JAK1: variants seen among roughly 807,000 people sequenced by gnomAD.
JAK1 encodes the protein Janus kinase 1, also known as tyrosine-protein kinase JAK1.
Under a neutral mutation model 136.6 loss-of-function variants are expected in JAK1, and 16 were observed. The ratio of observed to expected loss-of-function variants is 0.12; its 90% CI spans 0.08 to 0.18. The LOEUF is 0.18. JAK1 is among the 10% of genes least tolerant of loss of function. The pLI is 1.00. For missense variants in JAK1, 859 were observed against 1,450.1 expected, an observed-to-expected ratio of 0.59 and a Z score of 6.62; for synonymous variants, 492 against 519.5, an observed-to-expected ratio of 0.95 and a Z score of 0.72.
chr1:65,004,906 T>A (rs1264771169), intron 2 of JAK1, among the ~76,000 whole-genome samples: 2 of 152,230 alleles, frequency 1.3e-5, no homozygotes, highest in African/African-American at 4.8e-5. Flanking sequence ...ACCCTTTATT[T>A]CTGATATCGT....
At chr1:64,929,000 T>C (rs1645641867) in intron 1 of JAK1, among the ~76,000 whole-genome samples, 1 of 152,204 alleles carries the variant, frequency 6.6e-6, no homozygotes, top group African/African-American at 2.4e-5. Flanking sequence ...TATATTAGTA[T>C]CTTGTAAATA....
In JAK1 at chr1:65,034,524, T is replaced by C. The variant is rs1467524593; in HGVS notation, c.-78+9956A>G. ...TTAATTTAATGGAAAGATTTTCTAA[T>C]GGCAAACATTAATCTAGTTGTTAGA... On this transcript the variant is annotated intron_variant, in intron 2 of 25. Coordinates refer to the JAK1 transcript ENST00000671954. Among the ~76,000 whole-genome samples the C allele has an allele frequency of 3.9e-5, 6 of 152,238 alleles. No homozygotes were observed. In the East Asian group the frequency reaches 5.8e-4, roughly 15 times the overall value.
chr1:64,969,316 G>T (rs181776664), upstream of JAK1, among the ~76,000 whole-genome samples: 13 of 151,900 alleles, frequency 8.6e-5, no homozygotes, highest in Non-Finnish European at 1.6e-4. Context: ...TGTAGTGGGG[G>T]TGTCCTGTGC....
In JAK1 at chr1:64,984,709, ATG is replaced by A; in HGVS notation, c.-78+59769_-78+59770del. The A allele has an allele frequency of 1.4e-6, 1 of 724,826 alleles. No homozygotes were observed. The highest frequency in any genetic ancestry group is 3.1e-5 in the East Asian group (1 of 32,458). 44.9% of individuals were successfully genotyped at this position (724,826 alleles called of 1,614,324 possible). ...TCGTGTGCCTGCCCCTCAAAGGCCT[ATG>A]TGATATCCTTGAAAGTCCTGTAACA... On this transcript the variant is annotated intron_variant, in intron 2 of 25. Transcript: ENST00000671954. This position sits in a 1 kb window ranked among gnomAD's most constrained non-coding sequence, Gnocchi z 4.1.
chr1:64,971,890 G>A lies in JAK1; in HGVS notation c.-78+72590C>T, dbSNP rs1356195919. Among the ~76,000 whole-genome samples the A allele has an allele frequency of 5.9e-5, 9 of 152,076 alleles. No individual in the cohort carries two copies. The South Asian group carries it at 8.3e-4, about 14-fold the overall frequency. On this transcript the variant is annotated intron_variant, in intron 2 of 25. Coordinates refer to the JAK1 transcript ENST00000671954. ...ATCATACTTTTGATATGCATTTTAC[G>A]GCATGTTATTTGCCCTAAAAAACTA... is the stretch of plus-strand genomic sequence containing the variant.
chr1:64,942,943 T>G (rs1219080796), intron 1 of JAK1, among the ~76,000 whole-genome samples: 4 of 152,148 alleles, frequency 2.6e-5, no homozygotes, highest in Non-Finnish European at 4.4e-5. Flanking sequence ...AGCATTACAT[T>G]TGCTGTCTAT....
intron 1 of JAK1, among the ~76,000 whole-genome samples, chr1:64,897,920 T>C (rs1017970042): frequency 6.6e-5 from 10 of 152,154 alleles, no homozygotes; most frequent in African/African-American, 1.9e-4. Context: ...ATGAATCTGC[T>C]ACTCTTTGAT....
chr1:64,860,421 T>TGCA, intron 8 of JAK1, among the ~76,000 whole-genome samples, 159 bp from the exon 9 acceptor site: 1 of 42,476 alleles, frequency 2.4e-5, no homozygotes, highest in Non-Finnish European at 3.8e-5. Flanking sequence ...CTTGCATGCA[T>TGCA]TTATTTATTT....
chr1:65,017,092 T>A (rs2100783127), intron 2 of JAK1, among the ~76,000 whole-genome samples: 1 of 152,094 alleles, frequency 6.6e-6, no homozygotes, highest in South Asian at 2.1e-4. Context: ...AATCAGAAGA[T>A]CCATATGGAG....
At chr1:64,958,656 A>G (rs889347274) in intron 1 of JAK1, among the ~76,000 whole-genome samples, 8 of 152,220 alleles carry the variant, frequency 5.3e-5, no homozygotes, top group African/African-American at 1.9e-4. Context: ...TATTTGGCAG[A>G]TTATTTTTTC....
chr1:64,888,285 G>A (rs902545726), intron 1 of JAK1, among the ~76,000 whole-genome samples: 8 of 152,212 alleles, frequency 5.3e-5, no homozygotes, highest in Non-Finnish European at 1.0e-4. Context: ...AGATTCAAGT[G>A]ATTCTCATGC....
Position 64,845,513 on chromosome 1 carries a change from C to G in JAK1, c.2115G>C (p.Leu705Phe). ...ATTATGGACATCAGGACATTCTCAC[C>G]AAGTAGCTCAGGGCACTGGCCAGCT... Reference protein sequence around the residue: ...AKQLASALSYLEDKDLVHGNV... With the variant: ...AKQLASALSYFEDKDLVHGNV... Residue 705 changes from leucine (L) to phenylalanine (F), a missense_variant and splice_region_variant, in exon 15 of 25, where the codon TTG becomes TTC. Leu to Phe is a conservative substitution (Grantham distance 22, BLOSUM62 0). Around this residue, in one of 4 missense-constraint regions of JAK1, gnomAD observed 409 missense variants for 753.8 expected, o/e 0.54. Transcript: ENST00000342505. 6.2e-7 allele frequency: 1 copy of G among 1,614,162 alleles called. No homozygotes were observed.
In JAK1 at chr1:65,019,639, G is replaced by A. The variant is rs528057258; in HGVS notation, c.-78+24841C>T. On this transcript the variant is annotated intron_variant, in intron 2 of 25. Transcript: ENST00000671954. The stretch of plus-strand genomic sequence containing the variant: ...TTGCTATGTCAGAAGATGTGAGGCC[G>A]GGCATGGTGGCTCACTCCTGTAATC... Among the ~76,000 whole-genome samples, 10 of 152,206 alleles carry A rather than the reference G, an allele frequency of 6.6e-5. No individual in the cohort carries two copies. In the South Asian group the frequency reaches 1.7e-3, roughly 25 times the overall value.
chr1:64,933,980 T>C (rs1427321614), intron 1 of JAK1, among the ~76,000 whole-genome samples: 2 of 152,104 alleles, frequency 1.3e-5, no homozygotes, highest in Non-Finnish European at 2.9e-5. Flanking sequence ...CTAAAAGACA[T>C]ACAGCCAATG....
chr1:64,948,743 T>C (rs1276916212), intron 1 of JAK1, among the ~76,000 whole-genome samples: 1 of 152,190 alleles, frequency 6.6e-6, no homozygotes, highest in Non-Finnish European at 1.5e-5. Flanking sequence ...GCAACACACC[T>C]GGTAAAAATA....
intron 1 of JAK1, among the ~76,000 whole-genome samples, chr1:65,053,608 T>G (rs773160956): frequency 1.3e-5 from 2 of 152,218 alleles, no homozygotes; most frequent in South Asian, 2.1e-4. Flanking sequence ...CCCAGCACTT[T>G]GGGAGGCCAA....
chr1:65,041,143 A>G (rs1474478530), intron 2 of JAK1, among the ~76,000 whole-genome samples: 4 of 152,084 alleles, frequency 2.6e-5, no homozygotes, highest in South Asian at 4.2e-4. Context: ...GGGACACCAG[A>G]CCTCCTGAAG....
chr1:65,038,400 T>C (rs189290355), intron 2 of JAK1, among the ~76,000 whole-genome samples: 113 of 151,652 alleles, frequency 7.5e-4, no homozygotes, highest in Non-Finnish European at 1.3e-3. Flanking sequence ...GGCTTCCCCA[T>C]GTTGGTCAGG....
At position 64,957,914 on chromosome 1, in the gene JAK1, G is replaced by A. The variant is rs528218762; in HGVS notation, c.-78+8419C>T. On this transcript the variant is annotated intron_variant, in intron 1 of 24. Coordinates refer to ENST00000342505, the MANE Select transcript of JAK1 (RefSeq NM_002227.4). ...AGCCGAGATAGCGCCACTGCAGCCC[G>A]GCCTGGGCGAAAGAGCGAGACTCCG... Among the ~76,000 whole-genome samples, 5 of 151,306 alleles carry A rather than the reference G, an allele frequency of 3.3e-5. 1 individual carries two copies. Among genetic ancestry groups the A allele is most frequent in the African/African-American group, 1.2e-4 (5 of 41,150 alleles).
Sources: allele counts gnomAD v4.1 joint callset (sites outside exome capture counted in the v4.1 genomes callset), GRCh38; gene constraint gnomAD v4.1.1; regional missense constraint gnomAD v4.1.1; non-coding constraint Gnocchi (gnomAD v3.1); transcripts MANE v1.5; gene names NCBI Gene and HGNC (gene_info 2026-07-23, HGNC 2026-07-21).